Variants in KCNMB4 observed in about 807,000 individuals in gnomAD.
The protein encoded by KCNMB4 is calcium-activated potassium channel subunit beta-4.
KCNMB4 carries 3 observed loss-of-function variants against 20.7 expected under a neutral mutation model. The observed-to-expected ratio is 0.14, with a 90% confidence interval of 0.07 to 0.37. The LOEUF (loss-of-function observed/expected upper bound fraction) is 0.37, where lower values mean the gene tolerates loss of function less well. Among genes scored for constraint, KCNMB4 ranks in the 10% least tolerant of loss-of-function variants. The pLI is 1.00. For synonymous variants in KCNMB4, 110 were observed against 113.4 expected, an observed-to-expected ratio of 0.97 and a Z score of 0.19; for missense variants, 168 against 265.9, an observed-to-expected ratio of 0.63 and a Z score of 2.56.
chr12:70,393,743 C>T (rs1868323811), intron 1 of KCNMB4, among the ~76,000 whole-genome samples: 6 of 152,102 alleles, frequency 3.9e-5, no homozygotes, highest in Admixed American at 3.9e-4. Flanking sequence ...CAACTTTTTA[C>T]AGAAACATTT....
intron 2 of KCNMB4, among the ~76,000 whole-genome samples, chr12:70,425,417 G>A (rs944778297): frequency 6.6e-6 from 1 of 152,092 alleles, no homozygotes; most frequent in Non-Finnish European, 1.5e-5. Context: ...CAGCCTGGGC[G>A]ACAGAGCAAG....
At chr12:70,426,437 T>C (rs1300970053) in intron 2 of KCNMB4, among the ~76,000 whole-genome samples, 1 of 152,224 alleles carries the variant, frequency 6.6e-6, no homozygotes, top group Non-Finnish European at 1.5e-5. Context: ...TAAACCGAAG[T>C]GCACATAAGA....
chr12:70,375,632 C>A (rs1883672339), intron 1 of KCNMB4, among the ~76,000 whole-genome samples: 1 of 152,016 alleles, frequency 6.6e-6, no homozygotes, highest in South Asian at 2.1e-4. Flanking sequence ...GAGCAAGACC[C>A]CATCTCTAAA....
At chr12:70,427,750 A>C (rs1869250641) in intron 2 of KCNMB4, among the ~76,000 whole-genome samples, 2 of 152,110 alleles carry the variant, frequency 1.3e-5, no homozygotes, top group Admixed American at 1.3e-4. Context: ...CATGTTCTTC[A>C]AACTGTGTTT....
At chr12:70,424,750 CAA>C (rs749640741) in intron 2 of KCNMB4, among the ~76,000 whole-genome samples, 1 of 140,804 alleles carries the variant, frequency 7.1e-6, no homozygotes, top group Non-Finnish European at 1.6e-5. Context: ...AACTCCGTCT[CAA>C]AAAAAAAAAG....
intron 1 of KCNMB4, among the ~76,000 whole-genome samples, chr12:70,387,918 A>G (rs964471546): frequency 1.3e-5 from 2 of 152,116 alleles, no homozygotes; most frequent in African/African-American, 4.8e-5. Context: ...GGTCTTATTC[A>G]TTCTTTTTAT....
intron 1 of KCNMB4, among the ~76,000 whole-genome samples, chr12:70,381,296 G>A (rs1177643764): frequency 1.3e-5 from 2 of 152,116 alleles, no homozygotes; most frequent in Non-Finnish European, 2.9e-5. Flanking sequence ...GAATGAAAAA[G>A]ATAACAGCCA....
intron 1 of KCNMB4, 88 bp downstream of exon 1, chr12:70,367,158 C>T (rs950440566): frequency 1.9e-5 from 20 of 1,071,324 alleles, no homozygotes; most frequent in Non-Finnish European, 2.5e-5. Flanking sequence ...GAGGGTTCGG[C>T]GTGTGCTCGC....
At chr12:70,386,033 A>T (rs563825328) in intron 1 of KCNMB4, among the ~76,000 whole-genome samples, 13 of 152,328 alleles carry the variant, frequency 8.5e-5, no homozygotes, top group Admixed American at 1.3e-4. Context: ...ACAAAAACCT[A>T]TAATAACATA....
chr12:70,381,607 A>G (rs1187963100), intron 1 of KCNMB4, among the ~76,000 whole-genome samples: 1 of 152,216 alleles, frequency 6.6e-6, no homozygotes, highest in Admixed American at 6.5e-5. Flanking sequence ...AAGTATAGGA[A>G]GCCAGCCACA....
intron 2 of KCNMB4, among the ~76,000 whole-genome samples, chr12:70,400,619 G>A (rs1402654714): frequency 6.6e-6 from 1 of 152,174 alleles, no homozygotes; most frequent in Non-Finnish European, 1.5e-5. Flanking sequence ...GCTAAGCAAT[G>A]TGCAGATTTG....
rs1346461195 is a variant in KCNMB4, at chr12:70,394,394, C to T, written c.337-5815C>T. On this transcript the variant is annotated intron_variant, in intron 1 of 2. Coordinates refer to ENST00000258111, the MANE Select transcript of KCNMB4 (RefSeq NM_014505.6). ...ACTCTTGCCTAAGAGCTCATTTTAG[C>T]TTCTCCTGTTCTTAGTTAACCTTGC... 5.3e-5 allele frequency among the ~76,000 whole-genome samples: 8 copies of T among 152,234 alleles called. No individual in the cohort carries two copies. In the East Asian group the frequency reaches 1.4e-3, roughly 26 times the overall value.
intron 2 of KCNMB4, chr12:70,422,768 C>T (rs17814235): frequency 0.023 from 29,775 of 1,279,384 alleles, 463 homozygotes; most frequent in Middle Eastern, 0.064. Flanking sequence ...CAGGGGTTAT[C>T]CTTAATAGGC....
At chr12:70,418,981 C>T (rs1237539522) in intron 2 of KCNMB4, among the ~76,000 whole-genome samples, 2 of 152,078 alleles carry the variant, frequency 1.3e-5, no homozygotes, top group African/African-American at 4.8e-5. Context: ...AAATAAGGGG[C>T]CCCATTGTTT....
chr12:70,388,715 C>T (rs149197919), intron 1 of KCNMB4, among the ~76,000 whole-genome samples: 1 of 152,062 alleles, frequency 6.6e-6, no homozygotes, highest in Non-Finnish European at 1.5e-5. Context: ...CCTCAGTTCC[C>T]TCACCTGTAA....
At chr12:70,416,898 G>T (rs958257376) in intron 2 of KCNMB4, among the ~76,000 whole-genome samples, 24 of 152,120 alleles carry the variant, frequency 1.6e-4, no homozygotes, top group African/African-American at 5.8e-4. Context: ...AAAAACCGGT[G>T]TGTAATACAC....
chr12:70,412,565 A>G (rs1289086466), intron 2 of KCNMB4, among the ~76,000 whole-genome samples: 3 of 152,226 alleles, frequency 2.0e-5, no homozygotes, highest in Non-Finnish European at 4.4e-5. Context: ...CTAAAAACAG[A>G]TGCAAGCTCA....
chr12:70,417,974 C>G (rs1868953444), intron 2 of KCNMB4, among the ~76,000 whole-genome samples: 2 of 152,250 alleles, frequency 1.3e-5, no homozygotes, highest in South Asian at 4.1e-4. Flanking sequence ...GTTGCTATGC[C>G]CCACTTCAAT....
chr12:70,376,545 A>G (rs1446211582), intron 1 of KCNMB4, among the ~76,000 whole-genome samples: 1 of 152,116 alleles, frequency 6.6e-6, no homozygotes. Context: ...TTTATACACT[A>G]GGAATGAACA....
Sources: allele counts gnomAD v4.1 joint callset (sites outside exome capture counted in the v4.1 genomes callset), GRCh38; gene constraint gnomAD v4.1.1; transcripts MANE v1.5; gene names NCBI Gene and HGNC (gene_info 2026-07-23, HGNC 2026-07-21).